Variants in NUP37 observed in about 807,000 individuals in gnomAD.
The protein encoded by NUP37 is nucleoporin 37.
In NUP37, 33 loss-of-function variants were observed where a neutral mutation model predicts 45.4. That is an observed-to-expected ratio of 0.73 (90% confidence interval 0.55 to 0.97). The LOEUF (loss-of-function observed/expected upper bound fraction) is 0.97, where lower values mean the gene tolerates loss of function less well. Among genes scored for constraint, NUP37 ranks in the 50% least tolerant of loss-of-function variants. The pLI is 0.00. For synonymous variants in NUP37, 127 were observed against 130.7 expected (o/e 0.97, Z 0.19); for missense variants, 365 against 389.7 (o/e 0.94, Z 0.53).
chr12:102,077,041 T>G (rs1358268375), intron 7 of NUP37, 194 bp from the exon 8 acceptor site: 2 of 608,916 alleles, frequency 3.3e-6, no homozygotes, highest in African/African-American at 3.7e-5. Context: ...CAGGGAACCA[T>G]CATGCAACAG....
chr12:102,105,512 A>G (rs566904957), intron 3 of NUP37, among the ~76,000 whole-genome samples: 44 of 152,108 alleles, frequency 2.9e-4, no homozygotes, highest in African/African-American at 1.0e-3. Flanking sequence ...TCTGGGTGAC[A>G]GGAGCGAAAC....
chr12:102,097,999 G>C (rs967548968), intron 5 of NUP37, among the ~76,000 whole-genome samples: 5 of 152,140 alleles, frequency 3.3e-5, no homozygotes, highest in Non-Finnish European at 7.4e-5. Context: ...CTAATGTGAA[G>C]TCATACATAT....
At chr12:102,100,869 A>G (rs541187944) in intron 4 of NUP37, among the ~76,000 whole-genome samples, 163 bp downstream of exon 4, 1 of 152,310 alleles carries the variant, frequency 6.6e-6, no homozygotes, top group South Asian at 2.1e-4. Flanking sequence ...TAATATAGTA[A>G]GCTAGTTATT....
At chr12:102,078,606 AGTGACTGCCAT>A (rs754954471) in intron 6 of NUP37, among the ~76,000 whole-genome samples, 66 of 152,350 alleles carry the variant, frequency 4.3e-4, no homozygotes, top group Non-Finnish European at 7.3e-4. Context: ...TTATAAGCTG[AGTGACTGCCAT>A]GTGACTGGCA....
At chr12:102,094,786 G>T (rs955810447) in intron 5 of NUP37, among the ~76,000 whole-genome samples, 4 of 151,890 alleles carry the variant, frequency 2.6e-5, no homozygotes, top group Non-Finnish European at 4.4e-5. Context: ...TTTAAAAAAT[G>T]ATCCCAGTTA....
chr12:102,091,399 CAAAAAAAAAAAAAAAAA>C (rs1163474160), intron 5 of NUP37, among the ~76,000 whole-genome samples: 2 of 37,800 alleles, frequency 5.3e-5, no homozygotes, highest in Non-Finnish European at 9.6e-5. Context: ...GACTCCGTCT[CAAAAAAAAAAAAAAAAA>C]AAAAAAAAAA....
At chr12:102,117,405 G>T (rs1292609968) in intron 2 of NUP37, among the ~76,000 whole-genome samples, 1 of 151,416 alleles carries the variant, frequency 6.6e-6, no homozygotes, top group East Asian at 1.9e-4. Flanking sequence ...AGCCGAGGTT[G>T]ACCTCCAGCC....
intron 3 of NUP37, among the ~76,000 whole-genome samples, chr12:102,106,847 C>A (rs764563639): frequency 4.6e-5 from 7 of 152,116 alleles, no homozygotes; most frequent in Non-Finnish European, 8.8e-5. Flanking sequence ...GATCTTAAAG[C>A]CTGAAAACTT....
intron 6 of NUP37, among the ~76,000 whole-genome samples, chr12:102,077,846 G>T (rs1879219631): frequency 6.6e-6 from 1 of 152,026 alleles, no homozygotes; most frequent in Admixed American, 6.6e-5. Context: ...CATTCCCAAG[G>T]TATCTCATGT....
At chr12:102,115,213 T>C (rs1880429869) in intron 2 of NUP37, among the ~76,000 whole-genome samples, 1 of 152,192 alleles carries the variant, frequency 6.6e-6, no homozygotes, top group Non-Finnish European at 1.5e-5. Context: ...CTACAGAGTA[T>C]TATTATTATA....
At chr12:102,081,341 T>C (rs118034789) in intron 6 of NUP37, among the ~76,000 whole-genome samples, 5,292 of 152,302 alleles carry the variant, frequency 0.035, 143 homozygotes, top group Admixed American at 0.08. Context: ...TAAGAACAGA[T>C]AGGGTAGAAA....
At chr12:102,096,789 T>C (rs918747522) in intron 5 of NUP37, among the ~76,000 whole-genome samples, 1 of 152,206 alleles carries the variant, frequency 6.6e-6, no homozygotes, top group African/African-American at 2.4e-5. Context: ...CTCTTTCTCA[T>C]TTTAAACTTG....
At chr12:102,086,250 G>A (rs7961439) in intron 5 of NUP37, among the ~76,000 whole-genome samples, 22,967 of 151,980 alleles carry the variant, frequency 0.15, 1,838 homozygotes, top group Non-Finnish European at 0.18. Context: ...CTACTGGGGC[G>A]CTTACAAACA....
intron 3 of NUP37, among the ~76,000 whole-genome samples, chr12:102,105,120 G>A (rs139136839): frequency 4.5e-4 from 69 of 152,270 alleles, no homozygotes; most frequent in African/African-American, 1.6e-3. Context: ...GCAATGTTTT[G>A]TAGCTTTTAG....
intron 5 of NUP37, among the ~76,000 whole-genome samples, chr12:102,090,269 T>C (rs997897487): frequency 3.9e-5 from 6 of 152,186 alleles, no homozygotes; most frequent in African/African-American, 1.4e-4. Flanking sequence ...GCAGTATCTA[T>C]GTATGGACAA....
intron 5 of NUP37, among the ~76,000 whole-genome samples, chr12:102,089,082 A>G (rs1239238599): frequency 6.6e-6 from 1 of 152,164 alleles, no homozygotes; most frequent in Non-Finnish European, 1.5e-5. Context: ...AGTACAGAAC[A>G]AAATGGAGTC....
intron 3 of NUP37, among the ~76,000 whole-genome samples, chr12:102,108,627 G>A (rs1011585216): frequency 3.3e-5 from 5 of 152,222 alleles, no homozygotes; most frequent in East Asian, 3.9e-4. Flanking sequence ...GTTTAAACAC[G>A]TATGTTATAT....
At chr12:102,079,197 C>G (rs1045541957) in intron 6 of NUP37, 2 of 455,878 alleles carry the variant, frequency 4.4e-6, no homozygotes, top group South Asian at 3.1e-5. Context: ...TGTTGAGTGA[C>G]CTGGAGTTAT....
chr12:102,082,496 T>G (rs1594385427), intron 6 of NUP37, among the ~76,000 whole-genome samples: 1 of 152,200 alleles, frequency 6.6e-6, no homozygotes, highest in East Asian at 1.9e-4. Context: ...CAGCTAAAAT[T>G]GACTGAGTGC....
Sources: allele counts gnomAD v4.1 joint callset (sites outside exome capture counted in the v4.1 genomes callset), GRCh38; gene constraint gnomAD v4.1.1; transcripts MANE v1.5; gene names NCBI Gene and HGNC (gene_info 2026-07-23, HGNC 2026-07-21).